Variants in MYO15A observed in about 807,000 individuals in gnomAD.
MYO15A encodes the protein myosin XVA.
A neutral mutation model predicts 394.6 loss-of-function variants in MYO15A; 308 were observed. That is an observed-to-expected ratio of 0.78 (90% CI 0.71 to 0.86). The LOEUF (loss-of-function observed/expected upper bound fraction) is 0.86. Among genes scored for constraint, MYO15A ranks in the 40% least tolerant of loss-of-function variants. The pLI, the probability that MYO15A is intolerant of heterozygous loss-of-function variation, is 0.00. For synonymous variants in MYO15A, 1,957 were observed against 2,003.8 expected (o/e 0.98, Z 0.62); for missense variants, 4,606 against 4,799.1 (o/e 0.96, Z 1.19).
intron 55 of MYO15A, 95 bp downstream of exon 55, chr17:18,159,774 C>T (rs1302390868): frequency 1.3e-6 from 2 of 1,503,092 alleles, no homozygotes; most frequent in Non-Finnish European, 1.8e-6. Context: ...GGGTGGGAAA[C>T]CTCTCCCATG....
rs369984115 is a variant in MYO15A, at chr17:18,154,145, G to A, written c.8103G>A (p.Lys2701=). 8.1e-6 allele frequency: 13 copies of A among 1,613,964 alleles called. No homozygotes were observed. The African/African-American group carries it at 1.5e-4, about 18-fold the overall frequency. ...IFLRKEVFYP[K]DSYSHPVQLD... is the part of the protein sequence containing the mutation. ...CGCCCCTGCAGGTGTTTTACCCCAA[G>A]GACAGCTACAGCCATCCTGTGCAGC... Residue 2701 remains lysine (K), a synonymous_variant, in exon 44 of 66, where the codon AAG becomes AAA. Transcript: ENST00000647165.
In MYO15A at chr17:18,143,695, C is replaced by T; in HGVS notation, c.5965-20C>T. 2 of 1,583,458 alleles carry T rather than the reference C, an allele frequency of 1.3e-6. No homozygotes were observed. Among genetic ancestry groups the T allele is most frequent in the Non-Finnish European group, 1.7e-6 (2 of 1,165,648 alleles). ...GGGGATGTGGCAGGCCTGTCCCTGT[C>T]CCATGCACTGTCCCTCTAGGAGCTG... On this transcript the variant is annotated intron_variant, in intron 26 of 65. Transcript: ENST00000647165.
At position 18,150,792 on chromosome 17, in the gene MYO15A, G is replaced by A. The variant is rs771191194; in HGVS notation, c.7395+27G>A. 6.3e-7 allele frequency: 1 copy of A among 1,581,986 alleles called. No homozygotes were observed. The highest frequency in any genetic ancestry group is 8.6e-7 in the Non-Finnish European group (1 of 1,163,238). On this transcript the variant is annotated intron_variant, in intron 37 of 65. Transcript: ENST00000647165. This position sits in a 1 kb window ranked among gnomAD's most constrained non-coding sequence, Gnocchi z 4.4. ...TGAGTGAGGGAGGGACTGCTGGGGG[G>A]TGGAGAATGGACCTGCCTGGTCACC...
chr17:18,136,339 A>G, intron 13 of MYO15A, 78 bp from the exon 14 acceptor site: 7 of 1,557,564 alleles, frequency 4.5e-6, no homozygotes, highest in East Asian at 2.2e-5. Context: ...CCATGATCCC[A>G]CTCCCTTAGT....
rs970742341 is a variant in MYO15A, at chr17:18,178,926, A to G, written c.*56A>G. On this transcript the variant is annotated 3_prime_UTR_variant, in exon 66 of 66. Transcript: ENST00000647165. Reference sequence around the variant, plus strand: ...CAGAAGACTCACTGTGTGGCCTCAGAGAAATCACTGAACCTCTCAGGATCA... The same window carrying G: ...CAGAAGACTCACTGTGTGGCCTCAGGGAAATCACTGAACCTCTCAGGATCA... 3.6e-5 allele frequency: 55 copies of G among 1,547,662 alleles called. No individual in the cohort carries two copies. The highest frequency in any genetic ancestry group is 5.1e-5 in the Admixed American group (3 of 58,880).
At chr17:18,151,327 A>G in intron 39 of MYO15A, 37 bp downstream of exon 39, 1 of 1,614,166 alleles carries the variant, frequency 6.2e-7, no homozygotes. Context: ...GCTTCCCAGG[A>G]CAGGCCTGGT....
intron 65 of MYO15A, among the ~76,000 whole-genome samples, chr17:18,175,988 T>C (rs113436643): frequency 5.3e-4 from 81 of 152,300 alleles, no homozygotes; most frequent in African/African-American, 1.9e-3. Flanking sequence ...TCTTCCTTGA[T>C]CCATCACAGG....
chr17:18,151,223 T>A lies in MYO15A; in HGVS notation c.7587T>A (p.Ala2529=). Residue 2529 remains alanine (A), a synonymous_variant, in exon 39 of 66, where the codon GCT becomes GCA. Coordinates refer to ENST00000647165, the MANE Select transcript of MYO15A (RefSeq NM_016239.4). ...TGGCCCCAGCCCCTCTGGCCAAGGCTCCAAGGCTCCCCATCAAGCCTGTGG... is the reference window on the plus strand; with the variant it reads ...TGGCCCCAGCCCCTCTGGCCAAGGCACCAAGGCTCCCCATCAAGCCTGTGG... ...KPLAPAPLAK[A]PRLPIKPVAA... 6.2e-7 allele frequency: 1 copy of A among 1,613,848 alleles called. No homozygotes were observed. Among genetic ancestry groups the A allele is most frequent in the Non-Finnish European group, 8.5e-7 (1 of 1,179,972 alleles).
In MYO15A at chr17:18,120,133, C is replaced by T. The variant is rs756090960; in HGVS notation, c.1333C>T (p.Arg445Cys). 5.0e-6 allele frequency: 8 copies of T among 1,612,852 alleles called. No individual in the cohort carries two copies. Among genetic ancestry groups the T allele is most frequent in the African/African-American group, 4.0e-5 (3 of 74,952 alleles). ...GGAACCAGAGGACGCGGGCGTAGAG[C>T]GTCAGGGGACCTCCTTCCGCCTGCC... ...LEEPEDAGVE[R>C]QGTSFRLPSA... The change falls in exon 2 of 66, where the codon CGT (arginine) becomes TGT (cysteine). Residue 445 changes from arginine to cysteine, a missense_variant. Arg to Cys is a radical substitution (Grantham distance 180, BLOSUM62 -3). Coordinates refer to ENST00000647165, the MANE Select transcript of MYO15A (RefSeq NM_016239.4).
At chr17:18,144,077 G>A in intron 28 of MYO15A, 77 bp downstream of exon 28, 1 of 1,601,332 alleles carries the variant, frequency 6.2e-7, no homozygotes, top group Non-Finnish European at 8.5e-7. Context: ...CCTTGCCCTG[G>A]GGCAGGCTCC....
At chr17:18,160,999 T>C in intron 56 of MYO15A, 1 of 467,764 alleles carries the variant, frequency 2.1e-6, no homozygotes, top group Non-Finnish European at 4.0e-6. Flanking sequence ...CTCAGCAGCT[T>C]CCCCTTTTCC....
At chr17:18,111,926 G>A (rs1391501622) in intron 1 of MYO15A, among the ~76,000 whole-genome samples, 1 of 152,214 alleles carries the variant, frequency 6.6e-6, no homozygotes, top group Admixed American at 6.5e-5. Context: ...AGAGGAATGA[G>A]ACCTGACCCA....
Position 18,155,051 on chromosome 17 carries a change from G to A in MYO15A, c.8225-59G>A, listed in dbSNP as rs115796504. 5.1e-4 allele frequency: 772 copies of A among 1,503,454 alleles called. 1 individual carries two copies. The African/African-American group carries it at 7.8e-3, about 15-fold the overall frequency. 93.1% of individuals were successfully genotyped at this position (1,503,454 alleles called of 1,614,324 possible). A position where few individuals can be genotyped will look rare whatever the true frequency, so the allele number is the denominator to read the frequency against. On this transcript the variant is annotated intron_variant, in intron 45 of 65. Coordinates refer to ENST00000647165, the MANE Select transcript of MYO15A (RefSeq NM_016239.4). ...AGCCACCTCCCTCCCTGACATCCCC[G>A]AGATGGGGGTTGCCAGGGGAGTGGG...
At position 18,136,479 on chromosome 17, in the gene MYO15A, A is replaced by G. The variant is rs776972692; in HGVS notation, c.4655+4A>G. On this transcript the variant is annotated splice_donor_region_variant and intron_variant, in intron 14 of 65. Transcript: ENST00000647165. The stretch of plus-strand genomic sequence containing the variant: ...TGGAGAGCGCTGTGGATGCCAGGTG[A>G]GGCCACGCCCTCCCCTGCCTGAGCC... 6.2e-7 allele frequency: 1 copy of G among 1,613,764 alleles called. No individual in the cohort carries two copies. The highest frequency in any genetic ancestry group is 2.2e-5 in the East Asian group (1 of 44,876).
At chr17:18,135,104 G>A (rs1354946649) in intron 12 of MYO15A, among the ~76,000 whole-genome samples, 1 of 152,022 alleles carries the variant, frequency 6.6e-6, no homozygotes, top group Non-Finnish European at 1.5e-5. Context: ...TGCCTCATTC[G>A]ATCCTCCCAC....
chr17:18,130,728 A>G, intron 7 of MYO15A, 77 bp from the exon 8 acceptor site: 4 of 1,609,340 alleles, frequency 2.5e-6, no homozygotes, highest in Non-Finnish European at 3.4e-6. Context: ...TCCTGGAGAG[A>G]GTGGTGGTCG....
At chr17:18,139,758 C>T in intron 19 of MYO15A, 147 bp downstream of exon 19, 1 of 932,696 alleles carries the variant, frequency 1.1e-6, no homozygotes. Context: ...CCTGGACACC[C>T]TGTTCCTGGC....
intron 1 of MYO15A, among the ~76,000 whole-genome samples, chr17:18,114,592 C>A (rs1197448841): frequency 6.6e-6 from 1 of 152,142 alleles, no homozygotes; most frequent in East Asian, 1.9e-4. Context: ...TCAGGTGTAA[C>A]TTCCCTTGCC....
rs1242701862 is a variant in MYO15A, at chr17:18,135,791, G to A, written c.4563G>A (p.Glu1521=). 8.7e-6 allele frequency: 14 copies of A among 1,614,098 alleles called. No individual in the cohort carries two copies. The highest frequency in any genetic ancestry group is 1.2e-5 in the Non-Finnish European group (14 of 1,179,998). Residue 1521 remains glutamate (E), a synonymous_variant, in exon 13 of 66, where the codon GAG becomes GAA. Coordinates refer to ENST00000647165, the MANE Select transcript of MYO15A (RefSeq NM_016239.4). ...AVAELLQISP[E]GLQKAITFKV... Reference sequence around the variant, plus strand: ...CAGAGCTGCTGCAGATCTCCCCTGAGGGCCTGCAGAAGGCCATCACCTTCA... The same window carrying A: ...CAGAGCTGCTGCAGATCTCCCCTGAAGGCCTGCAGAAGGCCATCACCTTCA...
Sources: allele counts gnomAD v4.1 joint callset (sites outside exome capture counted in the v4.1 genomes callset), GRCh38; gene constraint gnomAD v4.1.1; non-coding constraint Gnocchi (gnomAD v3.1); transcripts MANE v1.5; gene names NCBI Gene and HGNC (gene_info 2026-07-23, HGNC 2026-07-21).